KIAA1549L: variants seen among roughly 807,000 people sequenced by gnomAD.
KIAA1549L encodes KIAA1549 like, also known as UPF0606 protein KIAA1549L.
Under a neutral mutation model 160.7 loss-of-function variants are expected in KIAA1549L, and 88 were observed. The ratio of observed to expected loss-of-function variants is 0.55; its 90% CI spans 0.46 to 0.65. The LOEUF (loss-of-function observed/expected upper bound fraction) is 0.65. Among genes scored for constraint, KIAA1549L ranks in the 30% least tolerant of loss-of-function variants. The pLI is 0.00. For synonymous variants in KIAA1549L, 950 were observed against 976.7 expected, an observed-to-expected ratio of 0.97 and a Z score of 0.51; for missense variants, 2,258 against 2,437.5, an observed-to-expected ratio of 0.93 and a Z score of 1.55.
In KIAA1549L at chr11:33,547,840, A is replaced by C; in HGVS notation, c.3462A>C (p.Ala1154=). 6.2e-7 allele frequency: 1 copy of C among 1,613,596 alleles called. No individual in the cohort carries two copies. Among genetic ancestry groups the C allele is most frequent in the Non-Finnish European group, 8.5e-7 (1 of 1,179,678 alleles). The stretch of plus-strand genomic sequence containing the variant: ...GTATCGCCAAAGGGCTCACACAGGC[A>C]TTGCGGAAGGCTTTCCACCAGAACG... ...KFSIAKGLTQ[A]LRKAFHQNDV... is the part of the protein sequence containing the mutation. The change falls in exon 4 of 21, where the codon GCA becomes GCC. Residue 1154 remains alanine, a synonymous_variant. Transcript: ENST00000658780.
intron 9 of KIAA1549L, among the ~76,000 whole-genome samples, chr11:33,572,039 C>A (rs1855276120): frequency 6.9e-6 from 1 of 144,096 alleles, no homozygotes; most frequent in African/African-American, 2.5e-5. Context: ...TTATTATGAA[C>A]TTTTTTTTTT....
chr11:33,442,748 G>A (rs1266531804), intron 1 of KIAA1549L, among the ~76,000 whole-genome samples: 1 of 152,090 alleles, frequency 6.6e-6, no homozygotes, highest in Non-Finnish European at 1.5e-5. Context: ...TTTGAATATT[G>A]CCTCTATCCA....
rs1357673860 is a variant in KIAA1549L at position 33,542,681 on chromosome 11, C to T, written c.1118C>T (p.Ser373Leu). The change falls in exon 2 of 21, where the codon TCA (serine) becomes TTA (leucine). Residue 373 changes from serine to leucine, a missense_variant. Physicochemically the swap from Ser to Leu is moderately radical, Grantham distance 145. This residue lies in a region of KIAA1549L where 540 missense variants were observed against 465.7 expected (regional missense o/e 1.16). Coordinates refer to ENST00000658780, the MANE Select transcript of KIAA1549L (RefSeq NM_012194.3). ...CTTCAGCTTCCAGATGGAAGCCCCT[C>T]ATGGTCAATGTTGGAAGTGGCTTCA... ...SLLQLPDGSP[S>L]WSMLEVASGP... 6.2e-7 allele frequency: 1 copy of T among 1,613,908 alleles called. No individual in the cohort carries two copies. Among genetic ancestry groups the T allele is most frequent in the South Asian group, 1.1e-5 (1 of 91,052 alleles).
At position 33,376,248 on chromosome 11, in the gene KIAA1549L, G is replaced by C. The variant is rs1590207333; in HGVS notation, c.-404G>C. ...GGGGCGCCGAGGCTGCAGCGGCGGCGGGAGGGAGGGACCCGAGCGCGCCCC... is the reference window on the plus strand; with the variant it reads ...GGGGCGCCGAGGCTGCAGCGGCGGCCGGAGGGAGGGACCCGAGCGCGCCCC... On this transcript the variant is annotated 5_prime_UTR_variant, in exon 1 of 21. Transcript: ENST00000658780. The surrounding 1 kb of genome is among the most constrained non-coding windows in gnomAD (Gnocchi z 5.8). Among the ~76,000 whole-genome samples the C allele has an allele frequency of 6.7e-6, 1 of 149,010 alleles. No homozygotes were observed.
intron 16 of KIAA1549L, among the ~76,000 whole-genome samples, chr11:33,629,146 G>T (rs986314236): frequency 6.6e-6 from 1 of 152,128 alleles, no homozygotes; most frequent in African/African-American, 2.4e-5. Flanking sequence ...AGTTTCTGCC[G>T]AGAGATCCGC....
intron 1 of KIAA1549L, among the ~76,000 whole-genome samples, chr11:33,445,852 T>C (rs1801591938): frequency 6.6e-6 from 1 of 152,222 alleles, no homozygotes; most frequent in South Asian, 2.1e-4. Flanking sequence ...CCTTCTGCCA[T>C]GTGGGGACAC....
In KIAA1549L at chr11:33,439,390, A is replaced by G. The variant is rs1000487405; in HGVS notation, c.238+62501A>G. Among the ~76,000 whole-genome samples the G allele has an allele frequency of 3.7e-4, 56 of 151,632 alleles. 1 individual carries two copies. The highest frequency in any genetic ancestry group is 1.0e-4 in the Non-Finnish European group (7 of 67,902). The stretch of plus-strand genomic sequence containing the variant: ...TATCTATCACCTTGAGTATTTATCA[A>G]TTCTTTTTTTTTGTTTCTGTTTTTG... On this transcript the variant is annotated intron_variant, in intron 1 of 20. Transcript: ENST00000658780.
chr11:33,473,943 AG>A (rs1376341355), intron 1 of KIAA1549L, among the ~76,000 whole-genome samples: 1 of 152,212 alleles, frequency 6.6e-6, no homozygotes, highest in African/African-American at 2.4e-5. Flanking sequence ...GGGCTGTACA[AG>A]CATGGCTCCA....
intron 16 of KIAA1549L, among the ~76,000 whole-genome samples, chr11:33,644,120 A>G (rs1413799711): frequency 6.6e-6 from 1 of 152,218 alleles, no homozygotes; most frequent in Non-Finnish European, 1.5e-5. Flanking sequence ...TAAAAATATT[A>G]CAATATTTTA....
intron 9 of KIAA1549L, among the ~76,000 whole-genome samples, chr11:33,571,095 T>G (rs1339737032): frequency 6.6e-6 from 1 of 152,190 alleles, no homozygotes; most frequent in South Asian, 2.1e-4. Flanking sequence ...CCATTCTGGC[T>G]AACATGGTGA....
At chr11:33,463,278 G>A (rs1851980165) in intron 1 of KIAA1549L, among the ~76,000 whole-genome samples, 1 of 152,036 alleles carries the variant, frequency 6.6e-6, no homozygotes, top group Non-Finnish European at 1.5e-5. Flanking sequence ...ATCCCAGGAA[G>A]CATAGTCATC....
chr11:33,502,473 G>A lies in KIAA1549L; in HGVS notation c.239-39329G>A, dbSNP rs946462478. On this transcript the variant is annotated intron_variant, in intron 1 of 20. Transcript: ENST00000658780. ...CTGTTCTCAGGCACACTTGCTTTGCGGTCTTCTTCAGTTTCTCAAGTTGAG... is the reference window on the plus strand; with the variant it reads ...CTGTTCTCAGGCACACTTGCTTTGCAGTCTTCTTCAGTTTCTCAAGTTGAG... Among the ~76,000 whole-genome samples, 3 of 152,038 alleles carry A rather than the reference G, an allele frequency of 2.0e-5. No homozygotes were observed. The East Asian group carries it at 5.8e-4, about 29-fold the overall frequency.
At chr11:33,466,019 T>C (rs1852050371) in intron 1 of KIAA1549L, among the ~76,000 whole-genome samples, 1 of 152,236 alleles carries the variant, frequency 6.6e-6, no homozygotes, top group African/African-American at 2.4e-5. Flanking sequence ...ACATGCCTTA[T>C]TATAGAACAA....
At chr11:33,419,909 T>TAC (rs1565128946) in intron 1 of KIAA1549L, among the ~76,000 whole-genome samples, 221 of 47,958 alleles carry the variant, frequency 4.6e-3, no homozygotes, top group Non-Finnish European at 8.9e-3. Context: ...TACATACATA[T>TAC]ATATATATGA....
chr11:33,629,483 G>C (rs34415097), intron 16 of KIAA1549L, among the ~76,000 whole-genome samples: 2 of 151,476 alleles, frequency 1.3e-5, no homozygotes, highest in African/African-American at 4.9e-5. Flanking sequence ...GGCTTTGCTC[G>C]TTTCTTTTTA....
chr11:33,384,459 G>A (rs141775976), intron 1 of KIAA1549L, among the ~76,000 whole-genome samples: 1 of 152,314 alleles, frequency 6.6e-6, no homozygotes, highest in African/African-American at 2.4e-5. Context: ...ATGCCTAGGG[G>A]TGGGATTGCT....
At chr11:33,524,064 C>G (rs1022380623) in intron 1 of KIAA1549L, among the ~76,000 whole-genome samples, 4 of 151,932 alleles carry the variant, frequency 2.6e-5, no homozygotes, top group African/African-American at 9.7e-5. Context: ...TTGGAATTAC[C>G]TATTTAAAAA....
intron 1 of KIAA1549L, among the ~76,000 whole-genome samples, chr11:33,463,455 A>C (rs1851983279): frequency 6.6e-6 from 1 of 152,218 alleles, no homozygotes; most frequent in Non-Finnish European, 1.5e-5. Context: ...GAAACCATCC[A>C]GAATAATAAA....
chr11:33,389,975 G>T (rs941139642), intron 1 of KIAA1549L, among the ~76,000 whole-genome samples: 3 of 152,176 alleles, frequency 2.0e-5, no homozygotes, highest in African/African-American at 7.2e-5. Flanking sequence ...TGACATATTC[G>T]TAATAGGAAT....
Sources: allele counts gnomAD v4.1 joint callset (sites outside exome capture counted in the v4.1 genomes callset), GRCh38; gene constraint gnomAD v4.1.1; regional missense constraint gnomAD v4.1.1; non-coding constraint Gnocchi (gnomAD v3.1); transcripts MANE v1.5; gene names NCBI Gene and HGNC (gene_info 2026-07-23, HGNC 2026-07-21).